Variants in PCNX1 observed in about 807,000 individuals in gnomAD.
The protein encoded by PCNX1 is pecanex 1, also known as pecanex-like protein 1.
Under a neutral mutation model 242.2 loss-of-function variants are expected in PCNX1, and 78 were observed. The observed-to-expected ratio is 0.32, with a 90% CI of 0.27 to 0.39. The LOEUF (loss-of-function observed/expected upper bound fraction) is 0.39, where lower values mean the gene tolerates loss of function less well. Among genes scored for constraint, PCNX1 ranks in the 10% least tolerant of loss-of-function variants. PCNX1 has a pLI of 1.00. For synonymous variants in PCNX1, 1,024 were observed against 1,032.9 expected (o/e 0.99, Z 0.17); for missense variants, 2,581 against 2,856.5 (o/e 0.90, Z 2.20).
intron 12 of PCNX1, 35 bp downstream of exon 12, chr14:71,019,197 A>T: frequency 6.5e-7 from 1 of 1,531,090 alleles, no homozygotes. Context: ...CTACGGAATT[A>T]TATTTGTGTT....
intron 5 of PCNX1, 26 bp from the exon 6 acceptor site, chr14:70,976,916 C>T (rs1227241360): frequency 5.7e-6 from 9 of 1,585,748 alleles, no homozygotes; most frequent in Admixed American, 5.2e-5. Context: ...TTTATTTTAA[C>T]ATTTCAAAAT....
chr14:71,094,774 A>G (rs1050113002), intron 30 of PCNX1, among the ~76,000 whole-genome samples: 7 of 152,188 alleles, frequency 4.6e-5, no homozygotes, highest in Non-Finnish European at 8.8e-5. Flanking sequence ...CGAAAAAGAA[A>G]CAGAAATATT....
At chr14:70,971,391 G>A (rs1244786103) in intron 5 of PCNX1, among the ~76,000 whole-genome samples, 1 of 13,428 alleles carries the variant, frequency 7.4e-5, no homozygotes, top group Non-Finnish European at 1.8e-4. Context: ...TGATCCACCC[G>A]CCTCGGCCTC....
chr14:71,019,410 T>A (rs565861961), intron 12 of PCNX1, among the ~76,000 whole-genome samples: 1 of 152,262 alleles, frequency 6.6e-6, no homozygotes, highest in East Asian at 1.9e-4. Context: ...TTTGTTTTAT[T>A]TTGTTTTTTG....
At chr14:71,042,301 C>A (rs1242862338) in intron 19 of PCNX1, among the ~76,000 whole-genome samples, 1 of 152,094 alleles carries the variant, frequency 6.6e-6, no homozygotes, top group Non-Finnish European at 1.5e-5. Flanking sequence ...CTATTGGGGT[C>A]TATCTCATTA....
intron 1 of PCNX1, among the ~76,000 whole-genome samples, chr14:70,943,337 T>C (rs2057332931): frequency 6.6e-6 from 1 of 152,134 alleles, no homozygotes; most frequent in Non-Finnish European, 1.5e-5. Context: ...ATGCTGATAG[T>C]GATATGGACA....
chr14:70,942,435 TCTC>T (rs997926988), intron 1 of PCNX1, among the ~76,000 whole-genome samples: 1 of 152,280 alleles, frequency 6.6e-6, no homozygotes, highest in East Asian at 1.9e-4. Context: ...AACAAACTCT[TCTC>T]CTACTATGCT....
At chr14:71,099,090 G>C (rs796486165) in intron 30 of PCNX1, among the ~76,000 whole-genome samples, 22 of 152,038 alleles carry the variant, frequency 1.4e-4, no homozygotes, top group African/African-American at 4.8e-4. Context: ...GTGGTTTTCA[G>C]AGATCTTCTT....
At chr14:71,032,108 G>A (rs529181883) in intron 16 of PCNX1, 18 of 593,110 alleles carry the variant, frequency 3.0e-5, no homozygotes, top group East Asian at 1.5e-4. Flanking sequence ...AAAGCAGGTC[G>A]CTCAAGAGAG....
Position 70,907,685 on chromosome 14 carries a change from C to T in PCNX1, c.-166C>T, listed in dbSNP as rs1024127065. On this transcript the variant is annotated 5_prime_UTR_variant, in exon 1 of 36. Transcript: ENST00000304743. ...CCTCCTCCTCGTTTGCTGCCTCCTC[C>T]TCCTCCTGCAGCAGCACCAGCGACC... The T allele has an allele frequency of 1.7e-5, 14 of 819,760 alleles. No individual in the cohort carries two copies. In the African/African-American group the frequency reaches 2.4e-4, roughly 14 times the overall value. 50.8% of individuals were successfully genotyped at this position (819,760 alleles called of 1,614,324 possible).
chr14:71,012,876 G>T, intron 10 of PCNX1, 109 bp from the exon 11 acceptor site: 2 of 748,094 alleles, frequency 2.7e-6, no homozygotes, highest in Non-Finnish European at 4.6e-6. Flanking sequence ...TTAGATAACT[G>T]ATAAGCTAAT....
intron 28 of PCNX1, among the ~76,000 whole-genome samples, chr14:71,082,454 T>C (rs892642329): frequency 6.6e-5 from 10 of 152,118 alleles, no homozygotes; most frequent in African/African-American, 2.2e-4. Context: ...GACAGTGGGG[T>C]GTTAAAATCT....
chr14:70,930,405 C>G (rs970630681), intron 1 of PCNX1, among the ~76,000 whole-genome samples: 2 of 152,074 alleles, frequency 1.3e-5, no homozygotes, highest in Non-Finnish European at 2.9e-5. Flanking sequence ...GTTGCATGTG[C>G]TATGTTATTT....
At chr14:70,921,015 G>T (rs893407340) in intron 1 of PCNX1, among the ~76,000 whole-genome samples, 4 of 152,102 alleles carry the variant, frequency 2.6e-5, no homozygotes, top group African/African-American at 4.8e-5. Context: ...TATGTTCTTG[G>T]ATGTAGTGTT....
At chr14:70,996,428 A>T (rs952422134) in intron 8 of PCNX1, among the ~76,000 whole-genome samples, 1 of 152,172 alleles carries the variant, frequency 6.6e-6, no homozygotes, top group African/African-American at 2.4e-5. Flanking sequence ...TAAGGACATC[A>T]TGGCTCCGTA....
chr14:70,912,536 C>A (rs1328622496), intron 1 of PCNX1, among the ~76,000 whole-genome samples: 2 of 151,710 alleles, frequency 1.3e-5, no homozygotes, highest in Non-Finnish European at 2.9e-5. Context: ...CTTCTGAATT[C>A]CCCCCTAAAC....
rs535253957 is a variant in PCNX1, at chr14:71,010,544, A to G, written c.2720+820A>G. 7.2e-5 allele frequency among the ~76,000 whole-genome samples: 11 copies of G among 152,228 alleles called. No homozygotes were observed. The South Asian group carries it at 2.3e-3, about 31-fold the overall frequency. On this transcript the variant is annotated intron_variant, in intron 9 of 35. Transcript: ENST00000304743. ...TCTGAAGGAATTTGTAAGATAATGA[A>G]GTCAGGAGAAGAGCAAATAAATTAG... is the stretch of plus-strand genomic sequence containing the variant.
intron 11 of PCNX1, among the ~76,000 whole-genome samples, chr14:71,013,709 A>G (rs148847708): frequency 9.2e-5 from 14 of 152,304 alleles, no homozygotes; most frequent in African/African-American, 2.9e-4. Flanking sequence ...TTTTCAAGAC[A>G]TTGGAGATGA....
intron 25 of PCNX1, 98 bp downstream of exon 25, chr14:71,055,660 A>T: frequency 7.7e-6 from 5 of 647,768 alleles, no homozygotes; most frequent in Non-Finnish European, 1.3e-5. Context: ...TCCTCTATGA[A>T]TCCCAAATAT....
Sources: gnomAD v4.1 joint callset for allele counts (sites outside exome capture counted in the v4.1 genomes callset) on GRCh38, gnomAD v4.1.1 for gene constraint, MANE v1.5 for transcripts, NCBI Gene and HGNC (gene_info 2026-07-23, HGNC 2026-07-21) for gene names.